Variants in NUBP1 observed in about 807,000 individuals in gnomAD.
The protein encoded by NUBP1 is cytosolic Fe-S cluster assembly factor NUBP1.
NUBP1 carries 46 observed loss-of-function variants against 41.8 expected under a neutral mutation model. That is an observed-to-expected ratio of 1.10 (90% confidence interval 0.87 to 1.41). The LOEUF (loss-of-function observed/expected upper bound fraction) is 1.41. Ranked by LOEUF, NUBP1 falls within the 40% of genes most tolerant of loss-of-function variation. NUBP1 has a pLI of 0.00. For missense variants in NUBP1, 494 were observed against 414.0 expected (o/e 1.19, Z -1.68); for synonymous variants, 189 against 154.6 (o/e 1.22, Z -1.65).
intron 4 of NUBP1, among the ~76,000 whole-genome samples, chr16:10,754,209 G>A (rs1019835537): frequency 6.8e-6 from 1 of 147,714 alleles, no homozygotes; most frequent in African/African-American, 2.6e-5. Flanking sequence ...GAATGGTTTT[G>A]TGGGGTTTAT....
intron 9 of NUBP1, chr16:10,763,811 T>C (rs1313512540): frequency 1.9e-5 from 3 of 155,228 alleles, no homozygotes; most frequent in African/African-American, 7.2e-5. Context: ...GATGAAGGAG[T>C]GGGGGAAGGA....
chr16:10,752,720 G>C (rs1900376767), intron 4 of NUBP1, 42 bp downstream of exon 4: 3 of 1,530,726 alleles, frequency 2.0e-6, no homozygotes. Context: ...TTCTCTTAAG[G>C]CAAACTCTGT....
Position 10,765,327 on chromosome 16 carries a change from T to TAAAAAAAA in NUBP1, c.821-2607_821-2600dup, listed in dbSNP as rs533208449. ...TAACACAGGAAGATACCTCATCTCT[T>TAAAAAAAA]AAAAAAAAAAAAAAAAAAAAAAGGA... On this transcript the variant is annotated intron_variant, in intron 9 of 10. Coordinates refer to ENST00000283027, the MANE Select transcript of NUBP1 (RefSeq NM_002484.4). This position sits in a 1 kb window ranked among gnomAD's most constrained non-coding sequence, Gnocchi z 4.0. Among the ~76,000 whole-genome samples, 2 of 111,270 alleles carry TAAAAAAAA rather than the reference T, an allele frequency of 1.8e-5. No individual in the cohort carries two copies. Among genetic ancestry groups the TAAAAAAAA allele is most frequent in the Non-Finnish European group, 3.5e-5 (2 of 56,644 alleles). 73.0% of individuals were successfully genotyped at this position (111,270 alleles called of 152,430 possible). A position where few individuals can be genotyped will look rare whatever the true frequency, so the allele number is the denominator to read the frequency against.
chr16:10,744,555 C>G (rs1899974624), intron 2 of NUBP1, among the ~76,000 whole-genome samples: 1 of 152,032 alleles, frequency 6.6e-6, no homozygotes, highest in African/African-American at 2.4e-5. Flanking sequence ...TGGTGCTGTC[C>G]TGGGGACACA....
chr16:10,751,840 A>G (rs1219110421), intron 3 of NUBP1, among the ~76,000 whole-genome samples: 1 of 152,088 alleles, frequency 6.6e-6, no homozygotes, highest in Non-Finnish European at 1.5e-5. Flanking sequence ...TAGAGGCTCC[A>G]CTCTGGTCCT....
chr16:10,768,943 G>C lies in NUBP1; in HGVS notation c.905-104G>C, dbSNP rs1290753194. On this transcript the variant is annotated intron_variant, in intron 10 of 10. Coordinates refer to ENST00000283027, the MANE Select transcript of NUBP1 (RefSeq NM_002484.4). The surrounding 1 kb of genome is among the most constrained non-coding windows in gnomAD (Gnocchi z 4.3). ...ACAGGTCTTTTTATGGAACTAGCCA[G>C]AGGATTCCACCCCTGTCAAAACACA... 12 of 995,770 alleles carry C rather than the reference G, an allele frequency of 1.2e-5. No homozygotes were observed. Among genetic ancestry groups the C allele is most frequent in the Non-Finnish European group, 1.9e-5 (12 of 635,836 alleles). The allele number at this position is 995,770 out of a possible 1,614,324, so 61.7% of individuals were successfully genotyped here.
intron 2 of NUBP1, among the ~76,000 whole-genome samples, chr16:10,746,358 G>A (rs1430581615): frequency 6.6e-6 from 1 of 152,184 alleles, no homozygotes; most frequent in Non-Finnish European, 1.5e-5. Flanking sequence ...ACTCTTTGTT[G>A]TGGGGGGCTG....
Position 10,768,937 on chromosome 16 carries a change from T to C in NUBP1, c.905-110T>C. The C allele has an allele frequency of 8.8e-6, 8 of 913,370 alleles. No individual in the cohort carries two copies. The South Asian group carries it at 1.2e-4, about 14-fold the overall frequency. The allele number at this position is 913,370 out of a possible 1,614,324, so 56.6% of individuals were successfully genotyped here. A position where few individuals can be genotyped will look rare whatever the true frequency, so the allele number is the denominator to read the frequency against. ...ACAGACACAGGTCTTTTTATGGAAC[T>C]AGCCAGAGGATTCCACCCCTGTCAA... On this transcript the variant is annotated intron_variant, in intron 10 of 10. Transcript: ENST00000283027. The surrounding 1 kb of genome is among the most constrained non-coding windows in gnomAD (Gnocchi z 4.3).
chr16:10,760,480 T>G (rs1160925399), intron 7 of NUBP1, among the ~76,000 whole-genome samples: 1 of 152,240 alleles, frequency 6.6e-6, no homozygotes, highest in Non-Finnish European at 1.5e-5. Context: ...GCACAGTGGC[T>G]CACGCCTCTA....
intron 2 of NUBP1, among the ~76,000 whole-genome samples, chr16:10,744,767 C>CG: frequency 6.6e-6 from 1 of 150,940 alleles, no homozygotes; most frequent in Non-Finnish European, 1.5e-5. Flanking sequence ...TTTTTTCCCC[C>CG]TTTTTTTTTA....
intron 3 of NUBP1, among the ~76,000 whole-genome samples, 161 bp from the exon 4 acceptor site, chr16:10,752,449 C>T (rs1900362646): frequency 6.6e-6 from 1 of 152,154 alleles, no homozygotes; most frequent in South Asian, 2.1e-4. Flanking sequence ...TTGAGATCAG[C>T]GTTAGGACTC....
Position 10,768,144 on chromosome 16 carries a change from G to C in NUBP1, c.904+112G>C. 1 of 926,172 alleles carries C rather than the reference G, an allele frequency of 1.1e-6. No individual in the cohort carries two copies. The highest frequency in any genetic ancestry group is 1.7e-5 in the African/African-American group (1 of 60,402). 57.4% of individuals were successfully genotyped at this position (926,172 alleles called of 1,614,324 possible). ...TGGTGGGGTCTGTGATGACCACAGAGTGGCCCCCATAGCCGAGGAAGCCAG... is the reference window on the plus strand; with the variant it reads ...TGGTGGGGTCTGTGATGACCACAGACTGGCCCCCATAGCCGAGGAAGCCAG... On this transcript the variant is annotated intron_variant, in intron 10 of 10. Coordinates refer to ENST00000283027, the MANE Select transcript of NUBP1 (RefSeq NM_002484.4). This position sits in a 1 kb window ranked among gnomAD's most constrained non-coding sequence, Gnocchi z 4.3.
intron 7 of NUBP1, among the ~76,000 whole-genome samples, chr16:10,758,269 G>C (rs985166574): frequency 6.6e-6 from 1 of 152,124 alleles, no homozygotes; most frequent in African/African-American, 2.4e-5. Context: ...CCACGAGTTC[G>C]GGACCAGCCT....
intron 3 of NUBP1, among the ~76,000 whole-genome samples, chr16:10,747,792 G>A (rs1011877653): frequency 6.6e-6 from 1 of 152,190 alleles, no homozygotes; most frequent in Non-Finnish European, 1.5e-5. Context: ...CTTGCATGTG[G>A]ATAGTTTATT....
chr16:10,760,163 T>A (rs1000953181), intron 7 of NUBP1, among the ~76,000 whole-genome samples: 1 of 152,260 alleles, frequency 6.6e-6, no homozygotes, highest in African/African-American at 2.4e-5. Flanking sequence ...GTGTTTATAA[T>A]TATCTAGAGC....
At chr16:10,762,596 C>T (rs149198602) in intron 9 of NUBP1, among the ~76,000 whole-genome samples, 11 of 152,270 alleles carry the variant, frequency 7.2e-5, no homozygotes, top group Non-Finnish European at 1.2e-4. Flanking sequence ...GGGGCTCCTG[C>T]GGGGCGTCCA....
rs2031128589 is a variant in NUBP1 at position 10,767,868 on chromosome 16, G to C, written c.821-81G>C. On this transcript the variant is annotated intron_variant, in intron 9 of 10. Transcript: ENST00000283027. This position sits in a 1 kb window ranked among gnomAD's most constrained non-coding sequence, Gnocchi z 4.6. Reference sequence around the variant, plus strand: ...GCTCAAGATCTTCCCATTGTCACCAGCACGGAAAGAGCCCCAAGATCTTGT... The same window carrying C: ...GCTCAAGATCTTCCCATTGTCACCACCACGGAAAGAGCCCCAAGATCTTGT... The C allele has an allele frequency of 1.6e-6, 2 of 1,286,910 alleles. No individual in the cohort carries two copies. Among genetic ancestry groups the C allele is most frequent in the East Asian group, 2.3e-5 (1 of 43,192 alleles). The allele number at this position is 1,286,910 out of a possible 1,614,324, so 79.7% of individuals were successfully genotyped here. A position where few individuals can be genotyped will look rare whatever the true frequency, so the allele number is the denominator to read the frequency against.
chr16:10,751,894 C>T (rs940130730), intron 3 of NUBP1, among the ~76,000 whole-genome samples: 3 of 152,186 alleles, frequency 2.0e-5, no homozygotes, highest in African/African-American at 7.2e-5. Context: ...CCAGTTGGGG[C>T]CGAAAGACCT....
In NUBP1 at chr16:10,766,788, A is replaced by G. The variant is rs114058890; in HGVS notation, c.821-1161A>G. On this transcript the variant is annotated intron_variant, in intron 9 of 10. Coordinates refer to ENST00000283027, the MANE Select transcript of NUBP1 (RefSeq NM_002484.4). This position sits in a 1 kb window ranked among gnomAD's most constrained non-coding sequence, Gnocchi z 4.8. The stretch of plus-strand genomic sequence containing the variant: ...CCCCATTACAGAGTTTTTGTGTTTA[A>G]ATACCCTCTACTTGAGGTACGCCCT... The G allele has an allele frequency of 7.2e-3, 2,852 of 397,334 alleles. 90 individuals are homozygous for G. Among genetic ancestry groups the G allele is most frequent in the African/African-American group, 0.052 (2,538 of 48,720 alleles). The allele number at this position is 397,334 out of a possible 1,614,324, so 24.6% of individuals were successfully genotyped here. A position where few individuals can be genotyped will look rare whatever the true frequency, so the allele number is the denominator to read the frequency against.
Sources: allele counts gnomAD v4.1 joint callset (sites outside exome capture counted in the v4.1 genomes callset), GRCh38; gene constraint gnomAD v4.1.1; non-coding constraint Gnocchi (gnomAD v3.1); transcripts MANE v1.5; gene names NCBI Gene and HGNC (gene_info 2026-07-23, HGNC 2026-07-21).